MYLK4: variants seen among roughly 807,000 people sequenced by gnomAD.
The protein encoded by MYLK4 is caMLCK like.
In MYLK4, 46 loss-of-function variants were observed where a neutral mutation model predicts 48.1. That is an observed-to-expected ratio of 0.96 (90% CI 0.75 to 1.22). The LOEUF (loss-of-function observed/expected upper bound fraction) is 1.22, where lower values mean the gene tolerates loss of function less well. Ranked by LOEUF, MYLK4 falls within the 50% of genes most tolerant of loss-of-function variation. MYLK4 has a pLI of 0.00. For synonymous variants in MYLK4, 170 were observed against 180.8 expected, an observed-to-expected ratio of 0.94 and a Z score of 0.48; for missense variants, 451 against 486.1, an observed-to-expected ratio of 0.93 and a Z score of 0.68.
intron 2 of MYLK4, 90 bp from the exon 3 acceptor site, chr6:2,692,949 G>T (rs967554928): frequency 8.5e-7 from 1 of 1,179,470 alleles, no homozygotes; most frequent in South Asian, 1.4e-5. Flanking sequence ...GGATGATTCC[G>T]TGTGGTGGGG....
At chr6:2,709,570 C>T (rs1329897295) in intron 2 of MYLK4, among the ~76,000 whole-genome samples, 3 of 152,252 alleles carry the variant, frequency 2.0e-5, no homozygotes, top group Admixed American at 6.5e-5. Context: ...CAAGCAAGTA[C>T]AGCACATGGC....
the MYLK4 span, among the ~76,000 whole-genome samples, chr6:2,762,818 T>C: frequency 0.14 from 22,010 of 152,040 alleles, 1,766 homozygotes; most frequent in African/African-American, 0.21. Flanking sequence ...CCGTTAGAGG[T>C]CTTAGGTCAG....
At chr6:2,750,398 T>A (rs1208272463) in intron 1 of MYLK4, among the ~76,000 whole-genome samples, 2 of 152,218 alleles carry the variant, frequency 1.3e-5, no homozygotes, top group East Asian at 3.8e-4. Flanking sequence ...ATTAATACTA[T>A]CAACCAGAGC....
At chr6:2,753,429 C>T (rs1213738403), upstream of MYLK4, among the ~76,000 whole-genome samples, 1 of 152,234 alleles carries the variant, frequency 6.6e-6, no homozygotes, top group Non-Finnish European at 1.5e-5. Flanking sequence ...AAAGCTACTG[C>T]ATCCCTGTTA....
chr6:2,683,529 C>T (rs1361807081), intron 6 of MYLK4, among the ~76,000 whole-genome samples: 1 of 152,036 alleles, frequency 6.6e-6, no homozygotes, highest in African/African-American at 2.4e-5. Flanking sequence ...AAGCGATTCT[C>T]ATGCCTCAGT....
the MYLK4 span, among the ~76,000 whole-genome samples, chr6:2,763,285 T>C: frequency 0.019 from 2,844 of 152,370 alleles, 43 homozygotes; most frequent in African/African-American, 0.042. Context: ...CATTAATTTC[T>C]GAACTGGGGC....
chr6:2,700,903 G>A (rs948749975), intron 2 of MYLK4, among the ~76,000 whole-genome samples: 3 of 152,166 alleles, frequency 2.0e-5, no homozygotes, highest in African/African-American at 4.8e-5. Context: ...AGCACTTTGC[G>A]TAAAAGTATA....
intron 2 of MYLK4, among the ~76,000 whole-genome samples, chr6:2,739,877 G>C (rs1763830257): frequency 6.6e-6 from 1 of 152,168 alleles, no homozygotes; most frequent in African/African-American, 2.4e-5. Flanking sequence ...GGCCCTAAGA[G>C]CAACCCTGTG....
intron 2 of MYLK4, 76 bp from the exon 3 acceptor site, chr6:2,692,935 C>T (rs781105781): frequency 1.3e-4 from 176 of 1,320,300 alleles, no homozygotes; most frequent in Non-Finnish European, 1.7e-4. Context: ...CTGACACTTG[C>T]GCTGGATGAT....
intron 2 of MYLK4, among the ~76,000 whole-genome samples, chr6:2,693,376 G>C (rs184028023): frequency 2.3e-4 from 35 of 152,292 alleles, no homozygotes; most frequent in Non-Finnish European, 4.1e-4. Context: ...ATAGAAATGA[G>C]AGGATACATG....
intron 6 of MYLK4, among the ~76,000 whole-genome samples, chr6:2,683,393 G>T (rs1445556416): frequency 0.044 from 3,069 of 69,390 alleles, 173 homozygotes; most frequent in East Asian, 0.2. Flanking sequence ...CCACCTTTTT[G>T]TGTGTGTGTG....
intron 2 of MYLK4, among the ~76,000 whole-genome samples, chr6:2,733,449 T>C (rs1030262830): frequency 3.3e-5 from 5 of 151,940 alleles, no homozygotes; most frequent in African/African-American, 9.7e-5. Flanking sequence ...AGAAACTCAA[T>C]GGTATCAGCC....
chr6:2,693,317 C>T (rs1057210676), intron 2 of MYLK4, among the ~76,000 whole-genome samples: 1 of 152,196 alleles, frequency 6.6e-6, no homozygotes, highest in African/African-American at 2.4e-5. Flanking sequence ...GTGTGCATCA[C>T]CCTTGACCTC....
intron 2 of MYLK4, among the ~76,000 whole-genome samples, chr6:2,714,685 T>C (rs1441998278): frequency 3.3e-5 from 5 of 152,200 alleles, no homozygotes; most frequent in Admixed American, 1.3e-4. Flanking sequence ...TTACTCACAA[T>C]AGCCAAATGG....
the MYLK4 span, chr6:2,765,455 A>G: frequency 1.3e-6 from 1 of 791,760 alleles, no homozygotes; most frequent in South Asian, 5.7e-5. Context: ...CGGACGCGGG[A>G]GCTGCGGACG....
At chr6:2,765,994 C>G in the MYLK4 span, 3 of 1,383,140 alleles carry the variant, frequency 2.2e-6, no homozygotes, top group Non-Finnish European at 2.8e-6. Flanking sequence ...GCCTTATCCC[C>G]GACTTCCCGG....
intron 3 of MYLK4, among the ~76,000 whole-genome samples, chr6:2,690,823 C>CTTTT (rs35133716): frequency 0.012 from 1,084 of 88,810 alleles, 125 homozygotes; most frequent in African/African-American, 0.045. Flanking sequence ...CTCTCTGAAT[C>CTTTT]TTTTTTTTTT....
chr6:2,675,005 G>A, intron 11 of MYLK4, 42 bp downstream of exon 11: 5 of 1,380,996 alleles, frequency 3.6e-6, no homozygotes, highest in Non-Finnish European at 5.2e-6. Flanking sequence ...CAAAAGACAG[G>A]CAGACAGGAG....
At chr6:2,766,411 G>T in the MYLK4 span, 1 of 1,600,076 alleles carries the variant, frequency 6.2e-7, no homozygotes. Flanking sequence ...AAATCCCCTC[G>T]CTTATCCTGT....
Sources: gnomAD v4.1 joint callset for allele counts (sites outside exome capture counted in the v4.1 genomes callset) on GRCh38, gnomAD v4.1.1 for gene constraint, MANE v1.5 for transcripts, NCBI Gene and HGNC (gene_info 2026-07-23, HGNC 2026-07-21) for gene names.